GFRA2: variants seen among roughly 807,000 people sequenced by gnomAD.
GFRA2 encodes GDNF family receptor alpha 2, also known as GDNF family receptor alpha-2.
GFRA2 carries 17 observed loss-of-function variants against 48.3 expected under a neutral mutation model. That is an observed-to-expected ratio of 0.35 (90% confidence interval 0.24 to 0.53). The LOEUF is 0.53. Ranked by LOEUF, GFRA2 falls within the 20% of genes least tolerant of loss-of-function variation. GFRA2 has a pLI of 0.93. For missense variants in GFRA2, 660 were observed against 637.3 expected (o/e 1.04, Z -0.38); for synonymous variants, 305 against 257.2 (o/e 1.19, Z -1.78).
chr8:21,801,075 CT>C (rs1807761689), intron 2 of GFRA2, among the ~76,000 whole-genome samples: 1 of 152,150 alleles, frequency 6.6e-6, no homozygotes, highest in Admixed American at 6.5e-5. Flanking sequence ...CTGCTGGAAT[CT>C]GACAACTCAT....
At position 21,698,147 on chromosome 8, in the gene GFRA2, C is replaced by G. The variant is rs555332582; in HGVS notation, c.1219-3630G>C. ...CCCTAGAGGCATCTGTGGCTCCAGTCCAAAAGCACACAGGCCTAGGCTGCA... is the reference window on the plus strand; with the variant it reads ...CCCTAGAGGCATCTGTGGCTCCAGTGCAAAAGCACACAGGCCTAGGCTGCA... On this transcript the variant is annotated intron_variant, in intron 7 of 8. Transcript: ENST00000524240. Among the ~76,000 whole-genome samples the G allele has an allele frequency of 7.2e-5, 11 of 152,284 alleles. No individual in the cohort carries two copies. In the East Asian group the frequency reaches 2.1e-3, roughly 29 times the overall value.
chr8:21,785,314 C>T (rs1807217227), intron 1 of GFRA2, among the ~76,000 whole-genome samples: 1 of 152,186 alleles, frequency 6.6e-6, no homozygotes, highest in Non-Finnish European at 1.5e-5. Context: ...CACGTGTGGC[C>T]AGGCAACAGA....
At chr8:21,796,639 C>G (rs1807682035) in intron 2 of GFRA2, among the ~76,000 whole-genome samples, 1 of 152,236 alleles carries the variant, frequency 6.6e-6, no homozygotes, top group African/African-American at 2.4e-5. Flanking sequence ...TATGCCTACC[C>G]TCTCACCTTG....
intron 6 of GFRA2, among the ~76,000 whole-genome samples, chr8:21,704,480 T>C (rs1364199091): frequency 6.6e-6 from 1 of 151,712 alleles, no homozygotes; most frequent in Non-Finnish European, 1.5e-5. Flanking sequence ...GAATAAATAA[T>C]GGAGGGAAGG....
Position 21,705,054 on chromosome 8 carries a change from G to A in GFRA2, c.976C>T (p.Arg326Cys), listed in dbSNP as rs1417406543. 4.3e-6 allele frequency: 7 copies of A among 1,610,876 alleles called. No homozygotes were observed. Among genetic ancestry groups the A allele is most frequent in the South Asian group, 2.2e-5 (2 of 90,002 alleles). The change falls in exon 6 of 9, where the codon CGT becomes TGT. Residue 326 changes from arginine (R) to cysteine (C), a missense_variant. By Grantham distance (180) the Arg-to-Cys change is radical (BLOSUM62 -3). Coordinates refer to ENST00000524240, the MANE Select transcript of GFRA2 (RefSeq NM_001495.5). ...GIVVSPWCSC[R>C]GSGNMEEECE... ...TCCTCCTCCATGTTCCCGCTGCCAC[G>A]ACAGCTGCACCAGGGGGACACCACG...
At position 21,784,738 on chromosome 8, in the gene GFRA2, C is replaced by A. The variant is rs373880784; in HGVS notation, c.41-1839G>T. On this transcript the variant is annotated intron_variant, in intron 1 of 8. Coordinates refer to ENST00000524240, the MANE Select transcript of GFRA2 (RefSeq NM_001495.5). ...CACTGACCAGACCTCTGCCACAGAACAGGAAGGCTGATGGATGTGGCCAGG... is the reference window on the plus strand; with the variant it reads ...CACTGACCAGACCTCTGCCACAGAAAAGGAAGGCTGATGGATGTGGCCAGG... Among the ~76,000 whole-genome samples, 133 of 152,314 alleles carry A rather than the reference C, an allele frequency of 8.7e-4. No individual in the cohort carries two copies. The East Asian group carries it at 0.023, about 27-fold the overall frequency.
chr8:21,723,159 G>A (rs183271234), intron 4 of GFRA2, among the ~76,000 whole-genome samples: 1 of 152,162 alleles, frequency 6.6e-6, no homozygotes, highest in Non-Finnish European at 1.5e-5. Context: ...TTCCCATGGG[G>A]CAGAAAAAGG....
chr8:21,784,171 C>G, intron 1 of GFRA2: 3 of 395,936 alleles, frequency 7.6e-6, no homozygotes, highest in Non-Finnish European at 1.6e-5. Flanking sequence ...GGTAGGTGAA[C>G]GGCAGGGACA....
chr8:21,786,064 C>T (rs1426331305), intron 1 of GFRA2, among the ~76,000 whole-genome samples: 4 of 152,194 alleles, frequency 2.6e-5, no homozygotes, highest in African/African-American at 7.2e-5. Context: ...GGGGACTTCT[C>T]GAGGGAAGGA....
chr8:21,790,930 G>A (rs200891525), upstream of GFRA2, among the ~76,000 whole-genome samples: 125 of 152,296 alleles, frequency 8.2e-4, no homozygotes, highest in East Asian at 0.019. Context: ...CTGGAGGCCC[G>A]AGGCTGGGAG....
intron 4 of GFRA2, among the ~76,000 whole-genome samples, chr8:21,739,765 G>A (rs1297636408): frequency 2.0e-5 from 3 of 152,286 alleles, no homozygotes; most frequent in South Asian, 4.1e-4. Flanking sequence ...GGAGCCAGGG[G>A]CACCTCTCCA....
intron 3 of GFRA2, among the ~76,000 whole-genome samples, chr8:21,769,804 C>T (rs1806361113): frequency 1.3e-5 from 2 of 152,142 alleles, no homozygotes; most frequent in Admixed American, 6.5e-5. Flanking sequence ...GTGGTGGTTA[C>T]CTCTCAGAGG....
intron 2 of GFRA2, among the ~76,000 whole-genome samples, chr8:21,796,908 G>A (rs368914809): frequency 6.6e-6 from 1 of 152,158 alleles, no homozygotes; most frequent in South Asian, 2.1e-4. Context: ...AACAGCCTTC[G>A]GTGCTTTTTT....
In GFRA2 at chr8:21,712,880, G is replaced by T. The variant is rs1024810847; in HGVS notation, c.795-6839C>A. On this transcript the variant is annotated intron_variant, in intron 4 of 8. Coordinates refer to ENST00000524240, the MANE Select transcript of GFRA2 (RefSeq NM_001495.5). ...AAACCAGTCAGGCGTGGCGGTGCAC[G>T]CCTGCAATCGCAGGCACTCGGCAGG... Among the ~76,000 whole-genome samples the T allele has an allele frequency of 1.3e-3, 192 of 152,272 alleles. 4 individuals are homozygous for T. The highest frequency in any genetic ancestry group is 4.4e-4 in the Non-Finnish European group (30 of 68,000).
chr8:21,705,230 T>G, intron 5 of GFRA2, 105 bp from the exon 6 acceptor site: 2 of 1,138,750 alleles, frequency 1.8e-6, no homozygotes, highest in East Asian at 5.1e-5. Flanking sequence ...GTGGTACCCA[T>G]CCTCTGACCT....
intron 3 of GFRA2, among the ~76,000 whole-genome samples, chr8:21,759,445 A>G (rs1216400363): frequency 4.4e-4 from 30 of 68,794 alleles, no homozygotes; most frequent in East Asian, 7.0e-4. Context: ...AGGGAGGGAG[A>G]GAGGGAGAGA....
At chr8:21,742,102 T>G (rs1217595759) in intron 4 of GFRA2, among the ~76,000 whole-genome samples, 1 of 152,046 alleles carries the variant, frequency 6.6e-6, no homozygotes, top group Non-Finnish European at 1.5e-5. Flanking sequence ...CAGGGGAAGA[T>G]ACAGAATGGG....
chr8:21,789,877 C>T (rs1807508185), upstream of GFRA2, among the ~76,000 whole-genome samples: 1 of 152,126 alleles, frequency 6.6e-6, no homozygotes, highest in Non-Finnish European at 1.5e-5. Flanking sequence ...CCAGAGGAAT[C>T]GGGCAGGGGC....
intron 6 of GFRA2, among the ~76,000 whole-genome samples, chr8:21,704,679 G>A (rs561900434): frequency 5.9e-5 from 9 of 152,274 alleles, no homozygotes; most frequent in East Asian, 1.9e-4. Flanking sequence ...AGATGCCAGC[G>A]ATCCTCATGA....
Sources: allele counts gnomAD v4.1 joint callset (sites outside exome capture counted in the v4.1 genomes callset), GRCh38; gene constraint gnomAD v4.1.1; transcripts MANE v1.5; gene names NCBI Gene and HGNC (gene_info 2026-07-23, HGNC 2026-07-21).